KDM5B: variants seen among roughly 807,000 people sequenced by gnomAD.
KDM5B encodes the protein lysine-specific demethylase 5B.
KDM5B carries 144 observed loss-of-function variants against 193.4 expected under a neutral mutation model. That is an observed-to-expected ratio of 0.74 (90% CI 0.65 to 0.86). The LOEUF is 0.86. KDM5B is among the 40% of genes least tolerant of loss of function. KDM5B has a pLI of 0.00. For missense variants in KDM5B, 1,833 were observed against 1,886.9 expected, an observed-to-expected ratio of 0.97 and a Z score of 0.53; for synonymous variants, 668 against 682.6, an observed-to-expected ratio of 0.98 and a Z score of 0.33.
intron 2 of KDM5B, among the ~76,000 whole-genome samples, chr1:202,775,891 T>A (rs1262472591): frequency 3.2e-5 from 4 of 124,486 alleles, no homozygotes; most frequent in African/African-American, 9.0e-5. Context: ...TATATATATA[T>A]ATATATATAT....
chr1:202,728,868 T>C lies in KDM5B; in HGVS notation c.*168A>G, dbSNP rs757626016. ...GTGTCAAAAATTTTTTTAGTTGTTTTTTCTTTTCTTCAAAGAGTCCTGGAA... is the reference window on the plus strand; with the variant it reads ...GTGTCAAAAATTTTTTTAGTTGTTTCTTCTTTTCTTCAAAGAGTCCTGGAA... On this transcript the variant is annotated 3_prime_UTR_variant, in exon 27 of 27. Transcript: ENST00000367265. 1.8e-5 allele frequency: 14 copies of C among 779,480 alleles called. No homozygotes were observed. Among genetic ancestry groups the C allele is most frequent in the Admixed American group, 8.0e-5 (3 of 37,404 alleles). The allele number at this position is 779,480 out of a possible 1,614,324, so 48.3% of individuals were successfully genotyped here. A position where few individuals can be genotyped will look rare whatever the true frequency, so the allele number is the denominator to read the frequency against.
At chr1:202,729,254 AGGCCGTTTGCCAATAACAG>A in intron 26 of KDM5B, 81 bp from the exon 27 acceptor site, 2 of 1,526,684 alleles carry the variant, frequency 1.3e-6, no homozygotes, top group South Asian at 2.3e-5. Context: ...CAAGAAATTC[AGGCCGTTTGCCAATAACAG>A]CCACTGTCCC....
At chr1:202,790,385 T>C (rs1008460978) in intron 1 of KDM5B, among the ~76,000 whole-genome samples, 2 of 152,132 alleles carry the variant, frequency 1.3e-5, no homozygotes, top group Non-Finnish European at 2.9e-5. Context: ...GAGACCAGCC[T>C]GGGCAAGGTG....
At chr1:202,737,488 T>TGTTG (rs1655138559) in intron 20 of KDM5B, among the ~76,000 whole-genome samples, 1 of 152,226 alleles carries the variant, frequency 6.6e-6, no homozygotes, top group Admixed American at 6.5e-5. Context: ...AATGCATTGG[T>TGTTG]GTTGCTCCAA....
chr1:202,786,117 A>G (rs1313913386), intron 1 of KDM5B, among the ~76,000 whole-genome samples: 1 of 142,942 alleles, frequency 7.0e-6, no homozygotes, highest in African/African-American at 2.6e-5. Flanking sequence ...CTCCCACCTC[A>G]GCCTCCAGAG....
chr1:202,746,512 AG>A (rs1226700520), intron 14 of KDM5B, 189 bp from the exon 15 acceptor site: 6 of 485,596 alleles, frequency 1.2e-5, no homozygotes, highest in Non-Finnish European at 2.2e-5. Context: ...TCATTTGTCT[AG>A]GGAGATCTCC....
chr1:202,773,737 CT>C (rs35598184), intron 3 of KDM5B, among the ~76,000 whole-genome samples: 128,794 of 140,714 alleles, frequency 0.92, 59,110 homozygotes, highest in Middle Eastern at 0.99. Context: ...GGCTCAGCTT[CT>C]TTTTTTTTTT....
intron 1 of KDM5B, among the ~76,000 whole-genome samples, chr1:202,781,059 T>A (rs1035826186): frequency 6.6e-6 from 1 of 152,230 alleles, no homozygotes; most frequent in East Asian, 1.9e-4. Context: ...CTCATGCCTA[T>A]AATCTCAGCA....
At chr1:202,735,254 A>G (rs1655048349) in intron 22 of KDM5B, among the ~76,000 whole-genome samples, 175 bp downstream of exon 22, 1 of 152,168 alleles carries the variant, frequency 6.6e-6, no homozygotes, top group Non-Finnish European at 1.5e-5. Context: ...TCCCACCTCT[A>G]TGCATCTTAC....
chr1:202,799,397 T>C (rs11802432), intron 1 of KDM5B, among the ~76,000 whole-genome samples: 5,212 of 152,278 alleles, frequency 0.034, 315 homozygotes, highest in African/African-American at 0.12. Flanking sequence ...CTCGCGCCTG[T>C]AATCCCAGCA....
At chr1:202,794,842 T>A (rs1037719715) in intron 1 of KDM5B, among the ~76,000 whole-genome samples, 1 of 152,212 alleles carries the variant, frequency 6.6e-6, no homozygotes, top group African/African-American at 2.4e-5. Context: ...TATACATACA[T>A]ACCTATGATA....
At chr1:202,751,479 G>A (rs1373851193) in intron 12 of KDM5B, among the ~76,000 whole-genome samples, 2 of 152,018 alleles carry the variant, frequency 1.3e-5, no homozygotes, top group African/African-American at 2.4e-5. Flanking sequence ...GTAGTAATAC[G>A]GCCTTCAGGG....
intron 2 of KDM5B, 62 bp from the exon 3 acceptor site, chr1:202,774,797 C>A: frequency 6.7e-7 from 1 of 1,493,742 alleles, no homozygotes. Flanking sequence ...CTATTACCTG[C>A]CATTATTTTC....
At chr1:202,807,155 CG>C in intron 1 of KDM5B, 1 of 152,506 alleles carries the variant, frequency 6.6e-6, no homozygotes, top group East Asian at 1.9e-4. Flanking sequence ...GCCTGAGGGC[CG>C]GGGGAAACGA....
At chr1:202,771,453 C>A (rs562496416) in intron 4 of KDM5B, among the ~76,000 whole-genome samples, 24 of 151,648 alleles carry the variant, frequency 1.6e-4, no homozygotes, top group Non-Finnish European at 2.9e-4. Flanking sequence ...GTTGGCCAGC[C>A]AGATCTCGAA....
intron 3 of KDM5B, among the ~76,000 whole-genome samples, 192 bp downstream of exon 3, chr1:202,774,421 T>C (rs1187017245): frequency 2.0e-5 from 3 of 152,150 alleles, no homozygotes; most frequent in Non-Finnish European, 4.4e-5. Context: ...TCCAAATTTT[T>C]TGTAAACACA....
At chr1:202,777,660 T>C (rs185418073) in intron 1 of KDM5B, among the ~76,000 whole-genome samples, 7 of 151,800 alleles carry the variant, frequency 4.6e-5, no homozygotes, top group South Asian at 2.1e-4. Flanking sequence ...ACTCAGCTAA[T>C]TGTTTAAGGT....
intron 18 of KDM5B, among the ~76,000 whole-genome samples, chr1:202,741,937 C>CT (rs35991410): frequency 0.39 from 57,579 of 147,142 alleles, 13,250 homozygotes; most frequent in Non-Finnish European, 0.51. Context: ...GTCACTTTCT[C>CT]TTTTTTTTTT....
intron 1 of KDM5B, among the ~76,000 whole-genome samples, chr1:202,797,451 T>C (rs1657894359): frequency 6.6e-6 from 1 of 152,300 alleles, no homozygotes; most frequent in Admixed American, 6.5e-5. Context: ...CCTTTGTTAA[T>C]TCCTTAAGTC....
Sources: gnomAD v4.1 joint callset for allele counts (sites outside exome capture counted in the v4.1 genomes callset) on GRCh38, gnomAD v4.1.1 for gene constraint, MANE v1.5 for transcripts, NCBI Gene and HGNC (gene_info 2026-07-23, HGNC 2026-07-21) for gene names.